ZMYM2: variants seen among roughly 807,000 people sequenced by gnomAD.
The protein encoded by ZMYM2 is zinc finger MYM-type protein 2.
A neutral mutation model predicts 162.8 loss-of-function variants in ZMYM2; 56 were observed. The ratio of observed to expected loss-of-function variants is 0.34; its 90% CI spans 0.28 to 0.43. The LOEUF is 0.43. Among genes scored for constraint, ZMYM2 ranks in the 20% least tolerant of loss-of-function variants. The pLI is 1.00. For missense variants in ZMYM2, 1,275 were observed against 1,621.8 expected, an observed-to-expected ratio of 0.79 and a Z score of 3.67; for synonymous variants, 510 against 541.6, an observed-to-expected ratio of 0.94 and a Z score of 0.81.
At chr13:19,951,250 C>T in the ZMYM2 span, among the ~76,000 whole-genome samples, 2 of 152,060 alleles carry the variant, frequency 1.3e-5, no homozygotes, top group Admixed American at 1.3e-4. Context: ...TAAAAAGCTT[C>T]TGTATCGTAA....
intron 21 of ZMYM2, among the ~76,000 whole-genome samples, chr13:20,074,578 G>T (rs1457260958): frequency 1.4e-5 from 2 of 145,104 alleles, no homozygotes; most frequent in Admixed American, 7.0e-5. Context: ...TTACTCTGTC[G>T]CCCAGGCTGG....
At chr13:20,061,358 G>GT in intron 17 of ZMYM2, 134 bp downstream of exon 17, 1 of 782,640 alleles carries the variant, frequency 1.3e-6, no homozygotes, top group South Asian at 3.1e-5. Context: ...TAACAAAAAT[G>GT]TTTTTTATAT....
intron 2 of ZMYM2, 146 bp downstream of exon 2, chr13:19,960,172 A>G (rs1366151799): frequency 6.6e-6 from 1 of 152,254 alleles, no homozygotes; most frequent in Non-Finnish European, 1.5e-5. Flanking sequence ...AGCCTGGGTA[A>G]TGGCTGGTGA....
chr13:20,020,772 A>G (rs1365845954), intron 7 of ZMYM2, among the ~76,000 whole-genome samples: 2 of 151,412 alleles, frequency 1.3e-5, no homozygotes, highest in East Asian at 1.9e-4. Flanking sequence ...CTATTGCTGT[A>G]TCTTTAAGTT....
At chr13:20,064,919 A>G (rs1354826656) in intron 19 of ZMYM2, among the ~76,000 whole-genome samples, 2 of 152,082 alleles carry the variant, frequency 1.3e-5, no homozygotes, top group Non-Finnish European at 2.9e-5. Flanking sequence ...AGTAAGTTCA[A>G]TTATTTGACA....
At chr13:20,080,443 A>C (rs1022393824) in intron 21 of ZMYM2, among the ~76,000 whole-genome samples, 3 of 150,810 alleles carry the variant, frequency 2.0e-5, no homozygotes, top group African/African-American at 7.3e-5. Flanking sequence ...TAGACAGCAT[A>C]TTGTCGAACC....
the ZMYM2 span, among the ~76,000 whole-genome samples, chr13:19,904,085 A>G: frequency 6.6e-6 from 1 of 152,158 alleles, no homozygotes; most frequent in Non-Finnish European, 1.5e-5. Context: ...CCCATTAAAA[A>G]GGCTGATCCA....
the ZMYM2 span, among the ~76,000 whole-genome samples, chr13:19,910,812 G>A: frequency 1.3e-5 from 2 of 152,128 alleles, no homozygotes; most frequent in African/African-American, 4.8e-5. Context: ...CAGGTGCAAG[G>A]TGGATGTGGT....
At chr13:19,916,149 C>T in the ZMYM2 span, among the ~76,000 whole-genome samples, 1 of 152,018 alleles carries the variant, frequency 6.6e-6, no homozygotes, top group Non-Finnish European at 1.5e-5. Flanking sequence ...GTGTAAGCCA[C>T]CGCACCCACC....
At chr13:20,021,676 A>T (rs2140194015) in intron 7 of ZMYM2, among the ~76,000 whole-genome samples, 1 of 152,252 alleles carries the variant, frequency 6.6e-6, no homozygotes, top group East Asian at 1.9e-4. Context: ...AACAGGTAGC[A>T]ATACAGAGTA....
chr13:20,084,304 C>T (rs564221901), intron 24 of ZMYM2, among the ~76,000 whole-genome samples: 10 of 152,168 alleles, frequency 6.6e-5, no homozygotes, highest in African/African-American at 2.2e-4. Flanking sequence ...TGAGCCATTG[C>T]GCCTGTCATT....
the ZMYM2 span, among the ~76,000 whole-genome samples, chr13:19,917,241 C>T: frequency 2.6e-5 from 4 of 152,086 alleles, no homozygotes; most frequent in East Asian, 1.9e-4. Context: ...GGATTACAGG[C>T]ATGAGCCACC....
the ZMYM2 span, among the ~76,000 whole-genome samples, chr13:19,946,982 C>T: frequency 6.6e-6 from 1 of 151,476 alleles, no homozygotes; most frequent in Non-Finnish European, 1.5e-5. Context: ...GTCACTTTTC[C>T]AGGGTTGGAT....
At chr13:19,930,037 T>G in the ZMYM2 span, among the ~76,000 whole-genome samples, 1 of 152,060 alleles carries the variant, frequency 6.6e-6, no homozygotes, top group African/African-American at 2.4e-5. Flanking sequence ...GCAGGAGGAT[T>G]GCCTGAGCCC....
chr13:20,027,755 T>C (rs1952717876), intron 9 of ZMYM2, among the ~76,000 whole-genome samples: 1 of 152,164 alleles, frequency 6.6e-6, no homozygotes, highest in African/African-American at 2.4e-5. Flanking sequence ...ACACTAGGCC[T>C]TAATTTAATA....
intron 6 of ZMYM2, among the ~76,000 whole-genome samples, chr13:20,010,470 T>G (rs1295495321): frequency 6.6e-6 from 1 of 152,206 alleles, no homozygotes; most frequent in Non-Finnish European, 1.5e-5. Flanking sequence ...TCCAAAGTGC[T>G]AGGATTACAG....
At chr13:20,008,316 C>T (rs972181983) in intron 6 of ZMYM2, among the ~76,000 whole-genome samples, 4 of 151,748 alleles carry the variant, frequency 2.6e-5, no homozygotes, top group South Asian at 2.1e-4. Context: ...TTTTTGGTAG[C>T]GATTGGGTTT....
chr13:19,974,187 C>G (rs1189299179), intron 2 of ZMYM2, among the ~76,000 whole-genome samples: 3 of 152,214 alleles, frequency 2.0e-5, no homozygotes, highest in African/African-American at 7.2e-5. Context: ...TCTGATTCAT[C>G]TACACAATTC....
At chr13:20,000,415 G>A (rs1031648544) in intron 3 of ZMYM2, among the ~76,000 whole-genome samples, 3 of 152,108 alleles carry the variant, frequency 2.0e-5, no homozygotes, top group Admixed American at 6.6e-5. Context: ...ATGAAACAAC[G>A]GATTTTCAGT....
Sources: allele counts gnomAD v4.1 joint callset (sites outside exome capture counted in the v4.1 genomes callset), GRCh38; gene constraint gnomAD v4.1.1; transcripts MANE v1.5; gene names NCBI Gene and HGNC (gene_info 2026-07-23, HGNC 2026-07-21).